Variants in SPAG9 observed in about 807,000 individuals in gnomAD.
SPAG9 encodes sperm associated antigen 9.
Under a neutral mutation model 166.5 loss-of-function variants are expected in SPAG9, and 35 were observed. That is an observed-to-expected ratio of 0.21 (90% CI 0.16 to 0.28). The LOEUF (loss-of-function observed/expected upper bound fraction) is 0.28, where lower values mean the gene tolerates loss of function less well. Ranked by LOEUF, SPAG9 falls within the 10% of genes least tolerant of loss-of-function variation. SPAG9 has a pLI of 1.00. For synonymous variants in SPAG9, 534 were observed against 565.5 expected (o/e 0.94, Z 0.79); for missense variants, 1,235 against 1,603.3 (o/e 0.77, Z 3.92).
intron 4 of SPAG9, chr17:51,046,491 T>C (rs1386382901): frequency 1.3e-6 from 2 of 1,530,302 alleles, no homozygotes; most frequent in East Asian, 2.4e-5. Context: ...CTAAGAGAGA[T>C]GGGAGTACCT....
chr17:51,089,620 T>TTATTTA (rs1345678320), intron 1 of SPAG9, among the ~76,000 whole-genome samples: 11 of 40,476 alleles, frequency 2.7e-4, no homozygotes, highest in African/African-American at 1.1e-3. Flanking sequence ...ACACTTTATT[T>TTATTTA]TATATATATA....
At chr17:51,076,162 C>T (rs1362945963) in intron 2 of SPAG9, among the ~76,000 whole-genome samples, 2 of 151,772 alleles carry the variant, frequency 1.3e-5, no homozygotes, top group Non-Finnish European at 2.9e-5. Flanking sequence ...TGGCTCATGC[C>T]TGTAATGCCA....
intron 1 of SPAG9, among the ~76,000 whole-genome samples, chr17:51,097,182 C>T (rs1367722316): frequency 1.3e-5 from 2 of 152,228 alleles, no homozygotes; most frequent in Non-Finnish European, 2.9e-5. Flanking sequence ...GTGACATGTA[C>T]AGGGAGGGCA....
rs763448790 is a variant in SPAG9 at position 50,996,686 on chromosome 17, G to C, written c.1847C>G (p.Ala616Gly). Reference sequence around the variant, plus strand: ...TTGTTCTCTGCGTGAGGCTAAACTAGCTTCAGTTCTAAAAGGAAAAAAGAT... The same window carrying C: ...TTGTTCTCTGCGTGAGGCTAAACTACCTTCAGTTCTAAAAGGAAAAAAGAT... ...AFDFLSEETE[A>G]SLASRREQKR... The change falls in exon 16 of 30, where the codon GCT (alanine) becomes GGT (glycine). Residue 616 changes from alanine (A) to glycine (G), a missense_variant. Coordinates refer to ENST00000262013, the MANE Select transcript of SPAG9 (RefSeq NM_001130528.3). 5.6e-6 allele frequency: 9 copies of C among 1,613,856 alleles called. No individual in the cohort carries two copies. The highest frequency in any genetic ancestry group is 4.4e-5 in the South Asian group (4 of 91,016).
chr17:51,074,260 A>C (rs1321408677), intron 2 of SPAG9, among the ~76,000 whole-genome samples: 1 of 149,752 alleles, frequency 6.7e-6, no homozygotes, highest in African/African-American at 2.5e-5. Flanking sequence ...AAAACAAAAC[A>C]AAAAAAACAC....
intron 25 of SPAG9, among the ~76,000 whole-genome samples, chr17:50,981,075 C>A (rs938896025): frequency 2.6e-5 from 4 of 152,112 alleles, no homozygotes; most frequent in African/African-American, 7.2e-5. Context: ...GTGTGTGAGG[C>A]ACAGGCTGAG....
chr17:51,109,119 C>A (rs1303230378), intron 1 of SPAG9, among the ~76,000 whole-genome samples: 1 of 151,980 alleles, frequency 6.6e-6, no homozygotes, highest in Admixed American at 6.6e-5. Context: ...GCCTCAGACT[C>A]CCCAAGTGCT....
In SPAG9 at chr17:50,979,838, A is replaced by G; in HGVS notation, c.3317T>C (p.Ile1106Thr). 6.2e-7 allele frequency: 1 copy of G among 1,614,164 alleles called. No homozygotes were observed. Among genetic ancestry groups the G allele is most frequent in the Non-Finnish European group, 8.5e-7 (1 of 1,180,006 alleles). ...AWVGDGVWVS[I>T]RLDSTLRLYH... ...GAGACGGAGCGTAGAATCCAAGCGA[A>G]TGGAGACCCACACGCCATCCCCCAC... The change falls in exon 26 of 30, where the codon ATT (isoleucine) becomes ACT (threonine). Residue 1106 changes from isoleucine to threonine, a missense_variant. By Grantham distance (89) the Ile-to-Thr change is moderately conservative. Transcript: ENST00000262013.
chr17:51,071,077 C>A (rs540840126), intron 2 of SPAG9, among the ~76,000 whole-genome samples: 4 of 152,158 alleles, frequency 2.6e-5, no homozygotes, highest in Non-Finnish European at 4.4e-5. Context: ...TTCCTCCCCC[C>A]ACTAAACTAT....
chr17:51,041,383 C>A, intron 5 of SPAG9, 118 bp downstream of exon 5: 2 of 911,798 alleles, frequency 2.2e-6, no homozygotes, highest in Non-Finnish European at 3.1e-6. Flanking sequence ...ACCAATTTTA[C>A]AAACTAAATG....
chr17:50,987,179 C>G lies in SPAG9; in HGVS notation c.2872G>C (p.Val958Leu), dbSNP rs750811433. ...CTCATTTTCTGGGCTTCTTCTCTCA[C>G]CAAGTCTTGTTCATTTGGCAGTACT... The part of the protein sequence containing the change: ...ISVLPNEQDL[V>L]REEAQKMSSL... Residue 958 changes from valine to leucine, a missense_variant, in exon 22 of 30, where the codon GTG (valine) becomes CTG (leucine). Physicochemically the swap from Val to Leu is conservative, Grantham distance 32. This residue lies in a region of SPAG9 where 493 missense variants were observed against 559.4 expected (regional missense o/e 0.88). Coordinates refer to ENST00000262013, the MANE Select transcript of SPAG9 (RefSeq NM_001130528.3). The G allele has an allele frequency of 5.6e-6, 9 of 1,613,446 alleles. No individual in the cohort carries two copies. Among genetic ancestry groups the G allele is most frequent in the Non-Finnish European group, 6.8e-6 (8 of 1,179,730 alleles).
At chr17:51,017,967 T>A (rs756714281) in intron 8 of SPAG9, among the ~76,000 whole-genome samples, 2 of 152,132 alleles carry the variant, frequency 1.3e-5, no homozygotes, top group African/African-American at 4.8e-5. Context: ...TGTATTTTTA[T>A]AGTCATTAAT....
At position 50,983,597 on chromosome 17, in the gene SPAG9, C is replaced by T. The variant is rs550873708; in HGVS notation, c.3089-925G>A. 2.1e-4 allele frequency among the ~76,000 whole-genome samples: 32 copies of T among 152,330 alleles called. No individual in the cohort carries two copies. The South Asian group carries it at 4.4e-3, about 21-fold the overall frequency. ...TGTCTCCCCATCGTGCTCTTCTGAA[C>T]TCAAATGCAGGACTTTACATTGACA... On this transcript the variant is annotated intron_variant, in intron 24 of 29. Transcript: ENST00000262013.
At chr17:50,975,009 G>A in intron 27 of SPAG9, 62 bp from the exon 28 acceptor site, 2 of 1,465,590 alleles carry the variant, frequency 1.4e-6, no homozygotes, top group Non-Finnish European at 1.9e-6. Context: ...AATGTAAGAG[G>A]TTACTGGTTA....
intron 28 of SPAG9, among the ~76,000 whole-genome samples, chr17:50,972,016 C>A (rs1037315692): frequency 7.9e-5 from 12 of 152,076 alleles, no homozygotes; most frequent in Non-Finnish European, 1.3e-4. Context: ...ATCCACCCAC[C>A]TAGGCCTCCC....
chr17:50,963,731 TAA>T lies in SPAG9; in HGVS notation c.*2539_*2540del. On this transcript the variant is annotated 3_prime_UTR_variant, in exon 30 of 30. Transcript: ENST00000262013. ...CTCTGGGATGTTTACTTCTTGGGAT[TAA>T]AATTCCCAAACACTTTGGTGTCTCT... 1 of 152,356 alleles carries T rather than the reference TAA, an allele frequency of 6.6e-6. No individual in the cohort carries two copies. Among genetic ancestry groups the T allele is most frequent in the Non-Finnish European group, 1.5e-5 (1 of 68,036 alleles). 9.4% of individuals were successfully genotyped at this position (152,356 alleles called of 1,614,324 possible).
chr17:50,991,949 TTTTA>T (rs1294627473), intron 19 of SPAG9, among the ~76,000 whole-genome samples: 3 of 138,398 alleles, frequency 2.2e-5, no homozygotes, highest in African/African-American at 2.9e-5. Context: ...TTTTTTTTTT[TTTTA>T]AAACACAGGG....
intron 2 of SPAG9, among the ~76,000 whole-genome samples, chr17:51,066,567 G>GAAAAAAAAAAAAAAAAAAAAA (rs71149340): frequency 7.2e-5 from 8 of 110,826 alleles, no homozygotes; most frequent in Admixed American, 1.1e-4. Flanking sequence ...AAAAAAAAAA[G>GAAAAAAAAAAAAAAAAAAAAA]AAAAAAAAAA....
intron 28 of SPAG9, among the ~76,000 whole-genome samples, chr17:50,972,865 C>T (rs188664315): frequency 1.3e-5 from 2 of 152,336 alleles, no homozygotes; most frequent in East Asian, 3.9e-4. Context: ...TAAGGCCAAC[C>T]AGAATGGTTT....
Sources: gnomAD v4.1 joint callset for allele counts (sites outside exome capture counted in the v4.1 genomes callset) on GRCh38, gnomAD v4.1.1 for gene constraint, gnomAD v4.1.1 regional missense constraint, MANE v1.5 for transcripts, NCBI Gene and HGNC (gene_info 2026-07-23, HGNC 2026-07-21) for gene names.